The following CASP4 variants were observed in gnomAD, a reference collection of about 807,000 sequenced individuals.
The protein encoded by CASP4 is caspase 4.
CASP4 carries 29 observed loss-of-function variants against 41.3 expected under a neutral mutation model. The observed-to-expected ratio is 0.70, with a 90% confidence interval of 0.52 to 0.96. CASP4 has a LOEUF of 0.96. CASP4 is among the 40% of genes least tolerant of loss of function. The pLI is 0.00. For missense variants in CASP4, 447 were observed against 460.6 expected (o/e 0.97, Z 0.27); for synonymous variants, 185 against 158.4 (o/e 1.17, Z -1.26).
intron 1 of CASP4, among the ~76,000 whole-genome samples, chr11:104,962,000 C>G (rs1253705690): frequency 6.6e-6 from 1 of 152,188 alleles, no homozygotes; most frequent in East Asian, 1.9e-4. Context: ...AGAAAAAAGT[C>G]TGAGCTTTGC....
At chr11:104,959,025 A>C (rs1860802470) in intron 1 of CASP4, among the ~76,000 whole-genome samples, 1 of 150,928 alleles carries the variant, frequency 6.6e-6, no homozygotes, top group African/African-American at 2.4e-5. Context: ...ACCTATATGG[A>C]GACACCTCTG....
intron 1 of CASP4, among the ~76,000 whole-genome samples, chr11:104,959,977 A>G (rs1860822213): frequency 6.6e-6 from 1 of 152,220 alleles, no homozygotes; most frequent in African/African-American, 2.4e-5. Flanking sequence ...TGCAACGAAG[A>G]GTGTTCCAAT....
chr11:104,961,100 C>A (rs1860848092), intron 1 of CASP4, among the ~76,000 whole-genome samples: 1 of 152,226 alleles, frequency 6.6e-6, no homozygotes. Flanking sequence ...TGGTTTGGTG[C>A]CCCCGCTCCA....
At chr11:104,951,720 T>A in intron 3 of CASP4, 176 bp downstream of exon 3, 1 of 653,274 alleles carries the variant, frequency 1.5e-6, no homozygotes. Flanking sequence ...CATCATGGAT[T>A]GAGAAAGGAT....
chr11:104,964,595 T>A (rs1432513448), intron 1 of CASP4, among the ~76,000 whole-genome samples: 2 of 152,240 alleles, frequency 1.3e-5, no homozygotes, highest in Non-Finnish European at 2.9e-5. Flanking sequence ...TTGACTGGAA[T>A]GGCACTCTTC....
At chr11:104,958,859 G>T (rs1361571812) in intron 1 of CASP4, among the ~76,000 whole-genome samples, 1 of 149,988 alleles carries the variant, frequency 6.7e-6, no homozygotes, top group Non-Finnish European at 1.5e-5. Flanking sequence ...TACTCATGAG[G>T]CAGAGGCAGT....
chr11:104,959,492 T>G (rs1860810970), intron 1 of CASP4, among the ~76,000 whole-genome samples: 1 of 152,192 alleles, frequency 6.6e-6, no homozygotes, highest in Non-Finnish European at 1.5e-5. Flanking sequence ...AGGTATAATC[T>G]ACACATTCTG....
At chr11:104,966,416 C>G (rs991962440) in intron 1 of CASP4, among the ~76,000 whole-genome samples, 1 of 152,036 alleles carries the variant, frequency 6.6e-6, no homozygotes, top group South Asian at 2.1e-4. Flanking sequence ...AGTTTGCAGT[C>G]AAGTGGAAAA....
chr11:104,968,020 T>C (rs974833675), intron 1 of CASP4, among the ~76,000 whole-genome samples: 1 of 152,046 alleles, frequency 6.6e-6, no homozygotes, highest in African/African-American at 2.4e-5. Flanking sequence ...TGAAATATTA[T>C]ATTAAAGTAG....
At chr11:104,950,820 A>ACACACC (rs1398826726) in intron 4 of CASP4, 105 bp downstream of exon 4, 13 of 1,004,984 alleles carry the variant, frequency 1.3e-5, no homozygotes, top group South Asian at 9.4e-5. Context: ...ACACACACAC[A>ACACACC]CACCCAAAGG....
intron 6 of CASP4, 25 bp from the exon 7 acceptor site, chr11:104,947,217 C>A: frequency 7.3e-7 from 1 of 1,364,652 alleles, no homozygotes; most frequent in South Asian, 1.3e-5. Flanking sequence ...ATGGGTATGC[C>A]TTGGGCTATG....
chr11:104,951,711 A>G (rs1045227850), intron 3 of CASP4, 185 bp downstream of exon 3: 4 of 644,544 alleles, frequency 6.2e-6, no homozygotes, highest in South Asian at 3.4e-5. Flanking sequence ...AATGATCTGC[A>G]TCATGGATTG....
In CASP4 at chr11:104,952,087, G is replaced by A. The variant is rs936805071; in HGVS notation, c.263-82C>T. ...ACCTAAGAAGATCGAGAGAGAAGAC[G>A]TCCTGGGAAGATTTCTTCACATATA... On this transcript the variant is annotated intron_variant, in intron 2 of 8. Transcript: ENST00000444739. The A allele has an allele frequency of 1.7e-5, 14 of 804,798 alleles. 1 individual carries two copies. The highest frequency in any genetic ancestry group is 3.8e-5 in the Admixed American group (2 of 52,472). 49.9% of individuals were successfully genotyped at this position (804,798 alleles called of 1,614,324 possible). A position where few individuals can be genotyped will look rare whatever the true frequency, so the allele number is the denominator to read the frequency against.
rs373956341 is a variant in CASP4 at position 104,951,070 on chromosome 11, C to G, written c.401G>C (p.Arg134Pro). The change falls in exon 4 of 9, where the codon CGC (arginine) becomes CCC (proline). Residue 134 changes from arginine to proline, a missense_variant. Coordinates refer to ENST00000444739, the MANE Select transcript of CASP4 (RefSeq NM_001225.4). Reference protein sequence around the residue: ...EIYPIKERNNRTRLALIICNT... With the variant: ...EIYPIKERNNPTRLALIICNT... ...GCATATGATGAGAGCCAGGCGTGTG[C>G]GGTTGTTTCTCTCCTTTATTGGATA... 5 of 1,612,982 alleles carry G rather than the reference C, an allele frequency of 3.1e-6. No individual in the cohort carries two copies. Among genetic ancestry groups the G allele is most frequent in the East Asian group, 4.5e-5 (2 of 44,858 alleles).
At chr11:104,959,737 A>G (rs1197762900) in intron 1 of CASP4, among the ~76,000 whole-genome samples, 1 of 152,164 alleles carries the variant, frequency 6.6e-6, no homozygotes, top group East Asian at 1.9e-4. Flanking sequence ...TCCAAGTACA[A>G]AAGAGCAGCA....
chr11:104,951,833 T>C, intron 3 of CASP4, 63 bp downstream of exon 3: 1 of 1,040,206 alleles, frequency 9.6e-7, no homozygotes, highest in African/African-American at 1.6e-5. Context: ...TAAGAAATGG[T>C]GCACTGAAGG....
chr11:104,950,510 G>A (rs1860580791), intron 4 of CASP4, among the ~76,000 whole-genome samples: 2 of 152,012 alleles, frequency 1.3e-5, no homozygotes, highest in African/African-American at 4.8e-5. Context: ...ATGAATGCTG[G>A]CTGGGAACTT....
intron 1 of CASP4, 35 bp downstream of exon 1, chr11:104,968,484 C>T: frequency 2.5e-6 from 4 of 1,595,564 alleles, no homozygotes; most frequent in South Asian, 2.2e-5. Context: ...TTTCTAAGTT[C>T]CTACTCCCAA....
chr11:104,946,578 A>C (rs1474940510), intron 7 of CASP4: 1 of 152,200 alleles, frequency 6.6e-6, no homozygotes, highest in Non-Finnish European at 1.5e-5. Flanking sequence ...TTATTGAAAG[A>C]ATGACTTCTT....
Sources: gnomAD v4.1 joint callset for allele counts (sites outside exome capture counted in the v4.1 genomes callset) on GRCh38, gnomAD v4.1.1 for gene constraint, MANE v1.5 for transcripts, NCBI Gene and HGNC (gene_info 2026-07-23, HGNC 2026-07-21) for gene names.